Variants in AHSA1 observed in about 807,000 individuals in gnomAD.
The protein encoded by AHSA1 is activator of 90 kDa heat shock protein ATPase homolog 1.
Under a neutral mutation model 46.1 loss-of-function variants are expected in AHSA1, and 14 were observed. That is an observed-to-expected ratio of 0.30 (90% confidence interval 0.20 to 0.47). The LOEUF is 0.47. Among genes scored for constraint, AHSA1 ranks in the 20% least tolerant of loss-of-function variants. The probability of loss-of-function intolerance (pLI) is 0.99; values close to 1 mark genes in which losing one functional copy is unlikely to be tolerated. For synonymous variants in AHSA1, 147 were observed against 145.8 expected (o/e 1.01, Z -0.06); for missense variants, 333 against 415.9 (o/e 0.80, Z 1.73).
rs2079036071 is a variant in AHSA1, at chr14:77,463,687, G to A, written c.473-911G>A. On this transcript the variant is annotated intron_variant, in intron 4 of 8. Coordinates refer to ENST00000216479, the MANE Select transcript of AHSA1 (RefSeq NM_012111.3). The stretch of plus-strand genomic sequence containing the variant: ...CTTGGCATCTCTGGACTCATTACTT[G>A]AATACAGTCTGGACTATCTTTGATA... Among the ~76,000 whole-genome samples, 3 of 151,568 alleles carry A rather than the reference G, an allele frequency of 2.0e-5. 1 individual carries two copies. The highest frequency in any genetic ancestry group is 2.0e-4 in the Admixed American group (3 of 15,222).
At chr14:77,459,528 C>A in intron 1 of AHSA1, 88 bp from the exon 2 acceptor site, 1 of 1,343,194 alleles carries the variant, frequency 7.4e-7, no homozygotes, top group Non-Finnish European at 1.0e-6. Context: ...AACTATTTGT[C>A]AGGCCTCCTT....
At chr14:77,465,891 A>G (rs1258239627) in intron 6 of AHSA1, among the ~76,000 whole-genome samples, 1 of 152,074 alleles carries the variant, frequency 6.6e-6, no homozygotes, top group Admixed American at 6.6e-5. Context: ...CAGTGGCACA[A>G]TCTCAGCTCA....
intron 6 of AHSA1, 92 bp downstream of exon 6, chr14:77,465,759 G>A (rs1186794792): frequency 7.3e-7 from 1 of 1,372,818 alleles, no homozygotes; most frequent in African/African-American, 1.5e-5. Context: ...TACAGAAGAG[G>A]TACTCACAAA....
intron 2 of AHSA1, among the ~76,000 whole-genome samples, chr14:77,461,022 G>A (rs2079021152): frequency 6.6e-6 from 1 of 151,802 alleles, no homozygotes; most frequent in African/African-American, 2.4e-5. Flanking sequence ...AGCCCGGCGT[G>A]GTGGCATGTG....
chr14:77,458,320 G>A (rs984999940), intron 1 of AHSA1, 51 bp downstream of exon 1: 3 of 1,526,748 alleles, frequency 2.0e-6, no homozygotes, highest in African/African-American at 1.4e-5. Context: ...GCCGGGCCAG[G>A]GTTTCAGGGT....
chr14:77,468,729 T>TAC (rs2079059595), intron 8 of AHSA1: 1 of 489,256 alleles, frequency 2.0e-6, no homozygotes, highest in Non-Finnish European at 3.5e-6. Context: ...AGCTTTTTTT[T>TAC]TTTTTTTTTT....
In AHSA1 at chr14:77,464,697, T is replaced by A; in HGVS notation, c.561+11T>A. 6.2e-7 allele frequency: 1 copy of A among 1,611,086 alleles called. No individual in the cohort carries two copies. Among genetic ancestry groups the A allele is most frequent in the South Asian group, 1.1e-5 (1 of 90,738 alleles). ...ACTGAGGAGCGCAAGGTAAATGGTT[T>A]TCCTGGGGTGGGAGACTGTCTGCAA... On this transcript the variant is annotated intron_variant, in intron 5 of 8. Transcript: ENST00000216479.
chr14:77,469,393 C>A lies in AHSA1; in HGVS notation c.*144C>A. On this transcript the variant is annotated 3_prime_UTR_variant, in exon 9 of 9. Transcript: ENST00000216479. ...CTTCCACATATACCTTGGGTTTGTG[C>A]ATGTTTTCTGCTGGGTGGGTTCAGA... 2.2e-6 allele frequency: 2 copies of A among 922,472 alleles called. No individual in the cohort carries two copies. The highest frequency in any genetic ancestry group is 3.2e-6 in the Non-Finnish European group (2 of 622,126). The allele number at this position is 922,472 out of a possible 1,614,324, so 57.1% of individuals were successfully genotyped here.
chr14:77,460,629 G>C (rs897116434), intron 2 of AHSA1, among the ~76,000 whole-genome samples: 1 of 149,802 alleles, frequency 6.7e-6, no homozygotes, highest in Non-Finnish European at 1.5e-5. Flanking sequence ...GCAGTGGCAC[G>C]ATCTTGGCTC....
At chr14:77,461,167 TAAAAA>T (rs1373752461) in intron 2 of AHSA1, among the ~76,000 whole-genome samples, 5 of 151,376 alleles carry the variant, frequency 3.3e-5, no homozygotes, top group Non-Finnish European at 7.4e-5. Context: ...TCAAAAAAAA[TAAAAA>T]ATAGGTGAAT....
Position 77,468,179 on chromosome 14 carries a change from G to C in AHSA1, c.787G>C (p.Asp263His). Residue 263 changes from aspartate to histidine, a missense_variant, in exon 7 of 9, where the codon GAT (aspartate) becomes CAT (histidine). Asp to His is a moderately conservative substitution (Grantham distance 81, BLOSUM62 -1). Transcript: ENST00000216479. ...VDGNVSGEFT[D>H]LVPEKHIVMK... ...TGGCAACGTCTCTGGGGAATTTACT[G>C]ATCTGGTGAGTACCTGCCGGCCCTA... 6.4e-7 allele frequency: 1 copy of C among 1,552,140 alleles called. No homozygotes were observed. Among genetic ancestry groups the C allele is most frequent in the Non-Finnish European group, 8.7e-7 (1 of 1,145,754 alleles).
In AHSA1 at chr14:77,462,739, A is replaced by C. The variant is rs1566747005; in HGVS notation, c.452A>C (p.Tyr151Ser). Reference protein sequence around the residue: ...VKLLREAMGIYISTLKTEFTQ... With the variant: ...VKLLREAMGISISTLKTEFTQ... Reference sequence around the variant, plus strand: ...CTTCTAAGAGAAGCAATGGGAATTTACATCAGCACCCTCAAAACAGGTATC... The same window carrying C: ...CTTCTAAGAGAAGCAATGGGAATTTCCATCAGCACCCTCAAAACAGGTATC... The change falls in exon 4 of 9, where the codon TAC becomes TCC. Residue 151 changes from tyrosine to serine, a missense_variant. Tyr to Ser is a moderately radical substitution (Grantham distance 144). Transcript: ENST00000216479. 1.2e-6 allele frequency: 2 copies of C among 1,614,146 alleles called. No homozygotes were observed.
chr14:77,462,851 T>C (rs979459642), intron 4 of AHSA1, 92 bp downstream of exon 4: 2 of 1,075,330 alleles, frequency 1.9e-6, no homozygotes, highest in Non-Finnish European at 2.9e-6. Flanking sequence ...CTTTGGCAAA[T>C]GGGTAAAGAT....
intron 2 of AHSA1, among the ~76,000 whole-genome samples, chr14:77,460,833 A>C (rs1018362206): frequency 6.6e-6 from 1 of 151,720 alleles, no homozygotes; most frequent in African/African-American, 2.4e-5. Flanking sequence ...AAAAATTGGT[A>C]GCATAGTTTT....
chr14:77,461,890 A>G (rs2079026805), intron 2 of AHSA1, among the ~76,000 whole-genome samples: 1 of 152,214 alleles, frequency 6.6e-6, no homozygotes. Flanking sequence ...CTTTTGACCC[A>G]AGTTCTCATG....
chr14:77,463,245 G>C, intron 4 of AHSA1: 1 of 176,490 alleles, frequency 5.7e-6, no homozygotes, highest in Admixed American at 5.5e-5. Flanking sequence ...TCATGCCACT[G>C]CACTCCAGCC....
intron 6 of AHSA1, among the ~76,000 whole-genome samples, chr14:77,467,718 T>C (rs148460150): frequency 7.2e-6 from 1 of 138,772 alleles, no homozygotes; most frequent in Admixed American, 7.4e-5. Context: ...TAAAATAAAA[T>C]AAAAGATGGA....
intron 1 of AHSA1, 89 bp downstream of exon 1, chr14:77,458,358 G>A: frequency 7.2e-7 from 1 of 1,385,222 alleles, no homozygotes; most frequent in Non-Finnish European, 9.8e-7. Context: ...GGACAGAGCT[G>A]GGGCTGAGGT....
intron 3 of AHSA1, 199 bp from the exon 4 acceptor site, chr14:77,462,443 A>G (rs934839115): frequency 8.4e-6 from 6 of 712,734 alleles, no homozygotes; most frequent in Middle Eastern, 3.5e-4. Context: ...CACTTTAGCT[A>G]GTGACATGGG....
Sources: gnomAD v4.1 joint callset for allele counts (sites outside exome capture counted in the v4.1 genomes callset) on GRCh38, gnomAD v4.1.1 for gene constraint, MANE v1.5 for transcripts, NCBI Gene and HGNC (gene_info 2026-07-23, HGNC 2026-07-21) for gene names.